UTP6: variants seen among roughly 807,000 people sequenced by gnomAD.
The protein encoded by UTP6 is U3 small nucleolar RNA-associated protein 6 homolog.
A neutral mutation model predicts 96.5 loss-of-function variants in UTP6; 60 were observed. The observed-to-expected ratio is 0.62, with a 90% CI of 0.51 to 0.77. The LOEUF (loss-of-function observed/expected upper bound fraction) is 0.77, where lower values mean the gene tolerates loss of function less well. UTP6 is among the 30% of genes least tolerant of loss of function. UTP6 has a pLI of 0.00. For synonymous variants in UTP6, 215 were observed against 240.1 expected (o/e 0.90, Z 0.96); for missense variants, 637 against 706.5 (o/e 0.90, Z 1.12).
chr17:31,871,164 T>A (rs1910150764), intron 16 of UTP6, among the ~76,000 whole-genome samples: 2 of 151,738 alleles, frequency 1.3e-5, no homozygotes, highest in Admixed American at 1.3e-4. Context: ...TAATTTTTTG[T>A]ATTTTTTTTA....
At chr17:31,889,163 T>A in intron 7 of UTP6, 122 bp downstream of exon 7, 1 of 642,340 alleles carries the variant, frequency 1.6e-6, no homozygotes, top group Non-Finnish European at 2.6e-6. Flanking sequence ...GGCGGGCACC[T>A]GTAATCCCAG....
rs540752802 is a variant in UTP6 at position 31,879,659 on chromosome 17, A to G, written c.968-878T>C. On this transcript the variant is annotated intron_variant, in intron 11 of 18. Transcript: ENST00000261708. ...TGCACTCCAGCCTGGGTGACACAGCAGGATCCTGTCTCAAAAAAAAACATA... is the reference window on the plus strand; with the variant it reads ...TGCACTCCAGCCTGGGTGACACAGCGGGATCCTGTCTCAAAAAAAAACATA... Among the ~76,000 whole-genome samples the G allele has an allele frequency of 5.3e-5, 8 of 151,884 alleles. No homozygotes were observed. In the South Asian group the frequency reaches 1.5e-3, roughly 28 times the overall value.
At position 31,870,560 on chromosome 17, in the gene UTP6, C is replaced by T. The variant is rs112594942; in HGVS notation, c.1497-2448G>A. Among the ~76,000 whole-genome samples, 578 of 143,350 alleles carry T rather than the reference C, an allele frequency of 4.0e-3. 8 individuals are homozygous for T. Among genetic ancestry groups the T allele is most frequent in the African/African-American group, 0.015 (565 of 38,738 alleles). The allele number at this position is 143,350 out of a possible 152,430, so 94.0% of individuals were successfully genotyped here. A position where few individuals can be genotyped will look rare whatever the true frequency, so the allele number is the denominator to read the frequency against. On this transcript the variant is annotated intron_variant, in intron 16 of 18. Coordinates refer to ENST00000261708, the MANE Select transcript of UTP6 (RefSeq NM_018428.3). ...TTTTTGAGACGGAGTCTTGATCTGT[C>T]GCCCAGGCTGGAGTGCAGTGGCGCA...
chr17:31,892,254 C>G lies in UTP6; in HGVS notation c.424+6G>C. 6.2e-7 allele frequency: 1 copy of G among 1,613,982 alleles called. No homozygotes were observed. Among genetic ancestry groups the G allele is most frequent in the Non-Finnish European group, 8.5e-7 (1 of 1,179,926 alleles). On this transcript the variant is annotated splice_donor_region_variant and intron_variant, in intron 6 of 18. Coordinates refer to ENST00000261708, the MANE Select transcript of UTP6 (RefSeq NM_018428.3). ...CATAGAAAAATTGACAAAGATTTCA[C>G]CATACCTGGTTTGTTGGAATGAATC...
At chr17:31,879,750 G>A (rs532737197) in intron 11 of UTP6, among the ~76,000 whole-genome samples, 134 of 152,158 alleles carry the variant, frequency 8.8e-4, no homozygotes, top group Non-Finnish European at 1.4e-3. Flanking sequence ...CAAAATAGAT[G>A]AACATAAATA....
At chr17:31,876,968 T>C (rs1442893875) in intron 13 of UTP6, among the ~76,000 whole-genome samples, 2 of 152,200 alleles carry the variant, frequency 1.3e-5, no homozygotes, top group Admixed American at 6.6e-5. Flanking sequence ...GCCAAGATCA[T>C]GCCACTACAC....
intron 14 of UTP6, among the ~76,000 whole-genome samples, chr17:31,874,805 G>A (rs924117592): frequency 3.3e-5 from 5 of 150,942 alleles, no homozygotes; most frequent in African/African-American, 1.2e-4. Context: ...GATGGCATGC[G>A]CCTGTAGTCC....
At chr17:31,866,976 A>G (rs979415168) in intron 17 of UTP6, among the ~76,000 whole-genome samples, 2 of 150,366 alleles carry the variant, frequency 1.3e-5, no homozygotes, top group Admixed American at 6.7e-5. Context: ...TTAATGGCTC[A>G]TATGTGCACG....
At chr17:31,875,522 T>C in intron 13 of UTP6, 109 bp from the exon 14 acceptor site, 2 of 1,270,822 alleles carry the variant, frequency 1.6e-6, no homozygotes, top group South Asian at 3.0e-5. Context: ...ACCTTTCCAC[T>C]ACAATTTAAA....
At chr17:31,866,455 G>A (rs1345995591) in intron 17 of UTP6, among the ~76,000 whole-genome samples, 3 of 151,568 alleles carry the variant, frequency 2.0e-5, no homozygotes, top group Non-Finnish European at 2.9e-5. Flanking sequence ...AGGGCCAGGC[G>A]CGGTGGCTCA....
At position 31,862,276 on chromosome 17, in the gene UTP6, C is replaced by T. The variant is rs969670516; in HGVS notation, c.*1083G>A. ...AGCCACTGCACTCCAGCCTGGATGA[C>T]AGAGCAAGGCTCCATCTCAAAAAAA... On this transcript the variant is annotated 3_prime_UTR_variant, in exon 19 of 19. Transcript: ENST00000261708. 8 of 149,870 alleles carry T rather than the reference C, an allele frequency of 5.3e-5. No individual in the cohort carries two copies. The highest frequency in any genetic ancestry group is 1.7e-4 in the African/African-American group (7 of 40,006). 9.3% of individuals were successfully genotyped at this position (149,870 alleles called of 1,614,324 possible).
At position 31,880,697 on chromosome 17, in the gene UTP6, T is replaced by C. The variant is rs922701059; in HGVS notation, c.843A>G (p.Glu281=). 29 of 1,614,036 alleles carry C rather than the reference T, an allele frequency of 1.8e-5. No homozygotes were observed. Among genetic ancestry groups the C allele is most frequent in the Admixed American group, 8.3e-5 (5 of 59,976 alleles). ...PLTWDYVARR[E]LEIESQTEEQ... is the part of the protein sequence containing the mutation. ...CTTCTGTCTGTGACTCAATCTCTAA[T>C]TCTCGCCTTGCCACATAATCCCAAG... The change falls in exon 11 of 19, where the codon GAA becomes GAG. Residue 281 remains glutamate, a synonymous_variant. Coordinates refer to ENST00000261708, the MANE Select transcript of UTP6 (RefSeq NM_018428.3).
intron 16 of UTP6, among the ~76,000 whole-genome samples, chr17:31,871,052 C>T (rs980169672): frequency 3.1e-4 from 45 of 147,520 alleles, no homozygotes; most frequent in South Asian, 4.3e-4. Context: ...TGCAGTGGCG[C>T]GATCTCAGCT....
intron 6 of UTP6, among the ~76,000 whole-genome samples, chr17:31,890,945 C>G (rs903834663): frequency 6.6e-6 from 1 of 152,116 alleles, no homozygotes; most frequent in African/African-American, 2.4e-5. Context: ...TGATATCACA[C>G]CACTGCACTC....
chr17:31,884,714 A>T lies in UTP6; in HGVS notation c.704-209T>A, dbSNP rs557825335. The stretch of plus-strand genomic sequence containing the variant: ...TATTGTTAATCTTTGGAGTATTCAT[A>T]AAAAAAGAACTAATTTTCAACTCCC... On this transcript the variant is annotated intron_variant, in intron 9 of 18. Coordinates refer to ENST00000261708, the MANE Select transcript of UTP6 (RefSeq NM_018428.3). Among the ~76,000 whole-genome samples, 3 of 122,722 alleles carry T rather than the reference A, an allele frequency of 2.4e-5. No homozygotes were observed. In the Admixed American group the frequency reaches 2.7e-4, roughly 11 times the overall value. The allele number at this position is 122,722 out of a possible 152,430, so 80.5% of individuals were successfully genotyped here.
chr17:31,865,215 A>AT, intron 18 of UTP6, 151 bp downstream of exon 18: 1 of 638,468 alleles, frequency 1.6e-6, no homozygotes, highest in Non-Finnish European at 2.7e-6. Context: ...GTTTCACCAT[A>AT]TTGGCCAGGC....
chr17:31,881,560 C>G (rs752671302), intron 10 of UTP6, among the ~76,000 whole-genome samples: 1 of 152,184 alleles, frequency 6.6e-6, no homozygotes, highest in African/African-American at 2.4e-5. Flanking sequence ...GTGTGAGCCA[C>G]TGCACCTGGC....
chr17:31,886,026 G>A lies in UTP6; in HGVS notation c.657C>T (p.Gly219=), dbSNP rs761930569. ...TTTTGTAGATGATCCATGCCAACTC[G>A]CCCTTAAGGATTTCTTCAGAATAAT... The part of the protein sequence containing the change: ...NPDYSEEILK[G]ELAWIIYKNS... Residue 219 remains glycine (G), a synonymous_variant, in exon 9 of 19, where the codon GGC becomes GGT. Transcript: ENST00000261708. 21 of 1,613,594 alleles carry A rather than the reference G, an allele frequency of 1.3e-5. No homozygotes were observed. The African/African-American group carries it at 1.7e-4, about 13-fold the overall frequency.
At chr17:31,875,820 C>CA (rs1012799437) in intron 13 of UTP6, among the ~76,000 whole-genome samples, 2,919 of 65,386 alleles carry the variant, frequency 0.045, 44 homozygotes, top group Admixed American at 0.075. Context: ...AACTCTATCT[C>CA]AAAAAAAAAA....
Sources: gnomAD v4.1 joint callset for allele counts (sites outside exome capture counted in the v4.1 genomes callset) on GRCh38, gnomAD v4.1.1 for gene constraint, MANE v1.5 for transcripts, NCBI Gene and HGNC (gene_info 2026-07-23, HGNC 2026-07-21) for gene names.